Variants in TBX20 observed in about 807,000 individuals in gnomAD.
The protein encoded by TBX20 is T-box transcription factor TBX20.
A neutral mutation model predicts 42.9 loss-of-function variants in TBX20; 8 were observed. That is an observed-to-expected ratio of 0.19 (90% CI 0.11 to 0.34). The LOEUF (loss-of-function observed/expected upper bound fraction) is 0.34, where lower values mean the gene tolerates loss of function less well. Among genes scored for constraint, TBX20 ranks in the 10% least tolerant of loss-of-function variants. The probability of loss-of-function intolerance (pLI) is 1.00; values close to 1 mark genes in which losing one functional copy is unlikely to be tolerated. For synonymous variants in TBX20, 198 were observed against 222.8 expected (o/e 0.89, Z 0.99); for missense variants, 411 against 566.0 (o/e 0.73, Z 2.78).
chr7:35,217,461 T>C (rs1441741955), intron 6 of TBX20, among the ~76,000 whole-genome samples: 3 of 152,190 alleles, frequency 2.0e-5, no homozygotes, highest in African/African-American at 7.2e-5. Flanking sequence ...CGTAAGTTAA[T>C]TGTGAATAAC....
chr7:35,240,848 G>T (rs373891659), intron 5 of TBX20, 31 bp downstream of exon 5: 9 of 1,603,188 alleles, frequency 5.6e-6, no homozygotes, highest in Admixed American at 1.7e-5. Context: ...CTTCTCTTAT[G>T]CAGGAACTAA....
At chr7:35,240,852 G>T (rs1474500805) in intron 5 of TBX20, 27 bp downstream of exon 5, 4 of 1,607,136 alleles carry the variant, frequency 2.5e-6, no homozygotes, top group Non-Finnish European at 3.4e-6. Flanking sequence ...TCTTATGCAG[G>T]AACTAAATTG....
chr7:35,241,081 C>G (rs2072434), intron 4 of TBX20, 44 bp from the exon 5 acceptor site: 1 of 1,588,126 alleles, frequency 6.3e-7, no homozygotes, highest in African/African-American at 1.3e-5. Context: ...CATACTTATA[C>G]TGCTAAACAG....
At chr7:35,243,410 A>G (rs1031508093) in intron 4 of TBX20, among the ~76,000 whole-genome samples, 16 of 152,186 alleles carry the variant, frequency 1.1e-4, no homozygotes, top group Non-Finnish European at 2.9e-5. Flanking sequence ...TAGAGCTATT[A>G]CTACCCAACG....
At chr7:35,212,645 G>A (rs1789517604) in intron 6 of TBX20, among the ~76,000 whole-genome samples, 1 of 152,050 alleles carries the variant, frequency 6.6e-6, no homozygotes, top group Non-Finnish European at 1.5e-5. Context: ...TTAGTTGAGG[G>A]CTAATTCTTC....
chr7:35,219,532 T>C (rs1051002212), intron 6 of TBX20, among the ~76,000 whole-genome samples: 1 of 152,240 alleles, frequency 6.6e-6, no homozygotes, highest in Non-Finnish European at 1.5e-5. Context: ...CAGGCTGCAG[T>C]TTGCCAACCC....
At chr7:35,225,829 T>C (rs1168208324) in intron 6 of TBX20, among the ~76,000 whole-genome samples, 1 of 152,146 alleles carries the variant, frequency 6.6e-6, no homozygotes, top group East Asian at 1.9e-4. Flanking sequence ...TCAAAGAATA[T>C]CAAGAAACTT....
chr7:35,237,604 T>A (rs2392359), intron 5 of TBX20, among the ~76,000 whole-genome samples: 2 of 151,428 alleles, frequency 1.3e-5, no homozygotes, highest in East Asian at 1.9e-4. Context: ...AGAGAAAATT[T>A]GGGGGAAAGC....
At position 35,248,572 on chromosome 7, in the gene TBX20, G is replaced by A. The variant is rs1022034850; in HGVS notation, c.545+105C>T. 4 of 1,295,430 alleles carry A rather than the reference G, an allele frequency of 3.1e-6. No individual in the cohort carries two copies. The African/African-American group carries it at 4.3e-5, about 14-fold the overall frequency. 80.2% of individuals were successfully genotyped at this position (1,295,430 alleles called of 1,614,324 possible). A position where few individuals can be genotyped will look rare whatever the true frequency, so the allele number is the denominator to read the frequency against. ...CCAGGCTTGGAATGCTCTCTTGCCA[G>A]AGCCCGCTGCTTTAAAAATACACTT... On this transcript the variant is annotated intron_variant, in intron 3 of 7. Transcript: ENST00000408931.
intron 6 of TBX20, among the ~76,000 whole-genome samples, chr7:35,224,304 T>A (rs1379582070): frequency 6.6e-6 from 1 of 152,218 alleles, no homozygotes; most frequent in Non-Finnish European, 1.5e-5. Context: ...ACTAATTGTT[T>A]CAAGATTGAT....
chr7:35,212,888 G>A (rs1789521375), intron 6 of TBX20, among the ~76,000 whole-genome samples: 1 of 152,092 alleles, frequency 6.6e-6, no homozygotes, highest in African/African-American at 2.4e-5. Flanking sequence ...ATAAATCTTT[G>A]GAGTTCTTTA....
At chr7:35,236,679 A>T (rs1462027355) in intron 5 of TBX20, among the ~76,000 whole-genome samples, 5 of 152,178 alleles carry the variant, frequency 3.3e-5, no homozygotes, top group Non-Finnish European at 7.4e-5. Flanking sequence ...CAAATTGTTG[A>T]CTATTAACTG....
At chr7:35,252,515 T>C (rs569940846) in intron 1 of TBX20, among the ~76,000 whole-genome samples, 129 of 151,854 alleles carry the variant, frequency 8.5e-4, no homozygotes, top group Non-Finnish European at 1.2e-3. Flanking sequence ...AACACTTCCT[T>C]TTTTTCATGT....
intron 6 of TBX20, among the ~76,000 whole-genome samples, chr7:35,219,893 C>T (rs986882460): frequency 4.6e-5 from 7 of 152,196 alleles, no homozygotes; most frequent in African/African-American, 1.7e-4. Flanking sequence ...TCCCACTGGG[C>T]TTATGTCCAA....
At position 35,217,100 on chromosome 7, in the gene TBX20, T is replaced by C. The variant is rs528839352; in HGVS notation, c.891-12518A>G. Among the ~76,000 whole-genome samples the C allele has an allele frequency of 1.9e-3, 287 of 152,268 alleles. 1 individual carries two copies. Among genetic ancestry groups the C allele is most frequent in the Middle Eastern group, 6.8e-3 (2 of 294 alleles). On this transcript the variant is annotated intron_variant, in intron 6 of 7. Transcript: ENST00000408931. ...TGAGAACTGAAATATACAATCCATT[T>C]TGGAAAAACAAAATGACTCTAACTT... is the stretch of plus-strand genomic sequence containing the variant.
intron 5 of TBX20, among the ~76,000 whole-genome samples, chr7:35,238,812 G>A (rs4723402): frequency 0.38 from 56,986 of 151,320 alleles, 10,994 homozygotes; most frequent in Admixed American, 0.46. Context: ...AAAGGTTACA[G>A]TACTTGCCTT....
intron 5 of TBX20, among the ~76,000 whole-genome samples, chr7:35,233,560 C>T (rs1479313735): frequency 6.6e-6 from 1 of 152,152 alleles, no homozygotes; most frequent in Admixed American, 6.5e-5. Flanking sequence ...AAGAATGAAG[C>T]CTTGTTTCAT....
chr7:35,216,691 A>G (rs935266619), intron 6 of TBX20, among the ~76,000 whole-genome samples: 7 of 152,232 alleles, frequency 4.6e-5, no homozygotes, highest in African/African-American at 1.7e-4. Flanking sequence ...TGCTTTGTTT[A>G]AACCTTCCTT....
At chr7:35,202,914 C>T (rs1417788486) in intron 7 of TBX20, 144 bp from the exon 8 acceptor site, 16 of 1,444,282 alleles carry the variant, frequency 1.1e-5, no homozygotes, top group Admixed American at 2.1e-5. Context: ...AGATCTGTCA[C>T]GAGGCAAATC....
Sources: gnomAD v4.1 joint callset for allele counts (sites outside exome capture counted in the v4.1 genomes callset) on GRCh38, gnomAD v4.1.1 for gene constraint, MANE v1.5 for transcripts, NCBI Gene and HGNC (gene_info 2026-07-23, HGNC 2026-07-21) for gene names.